The following NBAS variants were observed in gnomAD, a reference collection of about 807,000 sequenced individuals.
NBAS encodes the protein NAG/BC035112 fusion.
NBAS carries 219 observed loss-of-function variants against 302.5 expected under a neutral mutation model. That is an observed-to-expected ratio of 0.72 (90% CI 0.65 to 0.81). The LOEUF (loss-of-function observed/expected upper bound fraction) is 0.81. NBAS is among the 30% of genes least tolerant of loss of function. NBAS has a pLI of 0.00. For synonymous variants in NBAS, 1,118 were observed against 1,021.6 expected (o/e 1.09, Z -1.80); for missense variants, 2,932 against 2,841.6 (o/e 1.03, Z -0.72).
At chr2:15,033,984 G>GGAA in the NBAS span, among the ~76,000 whole-genome samples, 562 of 56,318 alleles carry the variant, frequency 1.0e-2, 18 homozygotes, top group South Asian at 0.019. Context: ...AAGAGGAAGA[G>GGAA]GAAGAAGAAG....
intron 32 of NBAS, among the ~76,000 whole-genome samples, chr2:15,364,054 A>G (rs556088832): frequency 6.6e-6 from 1 of 152,310 alleles, no homozygotes; most frequent in East Asian, 1.9e-4. Context: ...GCCATAAAGG[A>G]CTGAGGCCCC....
intron 13 of NBAS, among the ~76,000 whole-genome samples, chr2:15,477,392 T>G (rs1322207997): frequency 2.0e-5 from 3 of 151,976 alleles, no homozygotes; most frequent in Admixed American, 1.3e-4. Context: ...CTCCCGAGTA[T>G]CTGGGATTAC....
At chr2:15,168,813 G>A (rs1664154388) in intron 51 of NBAS, among the ~76,000 whole-genome samples, 1 of 152,182 alleles carries the variant, frequency 6.6e-6, no homozygotes, top group African/African-American at 2.4e-5. Flanking sequence ...GTATTTATTA[G>A]AGATGGTGTT....
chr2:15,489,182 A>G (rs1312529939), intron 11 of NBAS, among the ~76,000 whole-genome samples, 160 bp from the exon 12 acceptor site: 2 of 152,202 alleles, frequency 1.3e-5, no homozygotes, highest in Non-Finnish European at 2.9e-5. Flanking sequence ...AGCATAGAGA[A>G]AAAGTCCTCC....
At chr2:14,972,165 C>T in the NBAS span, among the ~76,000 whole-genome samples, 1 of 152,122 alleles carries the variant, frequency 6.6e-6, no homozygotes, top group Admixed American at 6.5e-5. Context: ...ATGAATGAAA[C>T]TAGAATCCAT....
the NBAS span, among the ~76,000 whole-genome samples, chr2:14,949,500 C>T: frequency 6.6e-6 from 1 of 151,982 alleles, no homozygotes; most frequent in Non-Finnish European, 1.5e-5. Context: ...TCAACATCAC[C>T]AATCATCAGA....
chr2:15,327,647 C>A, intron 38 of NBAS, 103 bp downstream of exon 38: 1 of 1,393,964 alleles, frequency 7.2e-7, no homozygotes, highest in Middle Eastern at 1.9e-4. Context: ...TTCAAAATTA[C>A]TGAAAAATTT....
At chr2:15,035,119 T>C in the NBAS span, among the ~76,000 whole-genome samples, 1 of 151,570 alleles carries the variant, frequency 6.6e-6, no homozygotes, top group Non-Finnish European at 1.5e-5. Flanking sequence ...GTGTGGGGTT[T>C]TTTTTTTTTT....
intron 44 of NBAS, among the ~76,000 whole-genome samples, chr2:15,254,660 T>C (rs989346090): frequency 6.6e-6 from 1 of 152,200 alleles, no homozygotes; most frequent in African/African-American, 2.4e-5. Flanking sequence ...CAGTGTATAC[T>C]ATATCCAACG....
chr2:15,338,003 T>C (rs970793168), intron 35 of NBAS, among the ~76,000 whole-genome samples: 14 of 152,182 alleles, frequency 9.2e-5, no homozygotes, highest in Admixed American at 3.3e-4. Context: ...TGAAATCTCA[T>C]TAATGTAAAG....
chr2:14,898,334 G>A, the NBAS span, among the ~76,000 whole-genome samples: 1 of 152,156 alleles, frequency 6.6e-6, no homozygotes, highest in Non-Finnish European at 1.5e-5. Context: ...GACTTGAGAG[G>A]TGCTAGGGAA....
intron 12 of NBAS, among the ~76,000 whole-genome samples, chr2:15,485,279 A>G (rs963598584): frequency 2.6e-5 from 4 of 152,120 alleles, no homozygotes; most frequent in African/African-American, 9.7e-5. Context: ...AAAAGAATCA[A>G]TGTAAAAAAT....
At chr2:15,219,887 C>T (rs1356572604) in intron 47 of NBAS, among the ~76,000 whole-genome samples, 2 of 146,978 alleles carry the variant, frequency 1.4e-5, no homozygotes, top group South Asian at 4.3e-4. Context: ...CTCCTCACTT[C>T]CCAGTAGGGG....
At chr2:14,854,069 T>C in the NBAS span, among the ~76,000 whole-genome samples, 1 of 148,128 alleles carries the variant, frequency 6.8e-6, no homozygotes, top group African/African-American at 2.5e-5. Flanking sequence ...ACTTAAAGTA[T>C]AATAAAAAAT....
the NBAS span, among the ~76,000 whole-genome samples, chr2:14,966,150 A>G: frequency 6.6e-6 from 1 of 152,322 alleles, no homozygotes; most frequent in African/African-American, 2.4e-5. Flanking sequence ...AAGAGCCTTC[A>G]GGGAGAGCAT....
chr2:15,166,873 T>G (rs1294523816), downstream of NBAS: 2 of 793,136 alleles, frequency 2.5e-6, no homozygotes, highest in Non-Finnish European at 3.8e-6. Flanking sequence ...CACCACTCAG[T>G]ACAAGAAAGA....
At chr2:15,437,270 C>T (rs1318607930) in intron 21 of NBAS, among the ~76,000 whole-genome samples, 1 of 152,060 alleles carries the variant, frequency 6.6e-6, no homozygotes, top group Non-Finnish European at 1.5e-5. Flanking sequence ...ATCACTCGTG[C>T]CCAGGAGTTT....
chr2:15,448,506 T>G (rs1453950073), intron 21 of NBAS, among the ~76,000 whole-genome samples: 1 of 152,136 alleles, frequency 6.6e-6, no homozygotes, highest in African/African-American at 2.4e-5. Flanking sequence ...AAGACGTACG[T>G]CCCTGTTTCT....
At chr2:15,002,612 C>T in the NBAS span, among the ~76,000 whole-genome samples, 3 of 152,324 alleles carry the variant, frequency 2.0e-5, no homozygotes, top group African/African-American at 4.8e-5. Flanking sequence ...AGGCTCGGGC[C>T]GCACAGGATC....
Sources: allele counts gnomAD v4.1 joint callset (sites outside exome capture counted in the v4.1 genomes callset), GRCh38; gene constraint gnomAD v4.1.1; transcripts MANE v1.5; gene names NCBI Gene and HGNC (gene_info 2026-07-23, HGNC 2026-07-21).